TTC7B: variants seen among roughly 807,000 people sequenced by gnomAD.
TTC7B encodes the protein tetratricopeptide repeat domain 7B.
TTC7B carries 28 observed loss-of-function variants against 106.8 expected under a neutral mutation model. That is an observed-to-expected ratio of 0.26 (90% CI 0.19 to 0.36). The LOEUF (loss-of-function observed/expected upper bound fraction) is 0.36. TTC7B is among the 10% of genes least tolerant of loss of function. The probability of loss-of-function intolerance (pLI) is 1.00; values close to 1 mark genes in which losing one functional copy is unlikely to be tolerated. For missense variants in TTC7B, 862 were observed against 1,076.4 expected (o/e 0.80, Z 2.79); for synonymous variants, 405 against 430.6 (o/e 0.94, Z 0.74).
At position 90,596,176 on chromosome 14, in the gene TTC7B, A is replaced by T. The variant is rs111512925; in HGVS notation, c.1967-2550T>A. 2.8e-3 allele frequency among the ~76,000 whole-genome samples: 425 copies of T among 152,374 alleles called. 1 individual carries two copies. Among genetic ancestry groups the T allele is most frequent in the African/African-American group, 9.5e-3 (397 of 41,580 alleles). On this transcript the variant is annotated intron_variant, in intron 17 of 19. Transcript: ENST00000328459. The stretch of plus-strand genomic sequence containing the variant: ...ATATTCACTTACTAATTCATTAAAA[A>T]TAACAATAATAAATTATTGCTCTGG...
chr14:90,595,660 GC>G (rs1892172761), intron 17 of TTC7B, among the ~76,000 whole-genome samples: 1 of 152,080 alleles, frequency 6.6e-6, no homozygotes, highest in African/African-American at 2.4e-5. Context: ...TACCAAGTTG[GC>G]TACCTTCTCA....
chr14:90,703,526 C>A (rs144771121), intron 5 of TTC7B, among the ~76,000 whole-genome samples: 1 of 151,904 alleles, frequency 6.6e-6, no homozygotes, highest in Non-Finnish European at 1.5e-5. Flanking sequence ...ACAACTCTGG[C>A]GACCACATTT....
chr14:90,531,306 CA>C lies in TTC7B; in HGVS notation c.*10061del, dbSNP rs1416533534. 1 of 152,228 alleles carries C rather than the reference CA, an allele frequency of 6.6e-6. No homozygotes were observed. The highest frequency in any genetic ancestry group is 1.5e-5 in the Non-Finnish European group (1 of 68,088). The allele number at this position is 152,228 out of a possible 1,614,324, so 9.4% of individuals were successfully genotyped here. A position where few individuals can be genotyped will look rare whatever the true frequency, so the allele number is the denominator to read the frequency against. On this transcript the variant is annotated 3_prime_UTR_variant, in exon 20 of 20. Transcript: ENST00000328459. ...AAAAAAACAGCTGGGCACAGTGGCT[CA>C]CGCCTGTAATCCCAGCACTTTGGGA...
chr14:90,558,982 C>T (rs182618622), intron 19 of TTC7B, among the ~76,000 whole-genome samples: 9 of 152,322 alleles, frequency 5.9e-5, no homozygotes, highest in East Asian at 5.8e-4. Flanking sequence ...GCTTGGGTGA[C>T]GGCAGAGACC....
chr14:90,536,493 TCTC>T lies in TTC7B; in HGVS notation c.*4872_*4874del, dbSNP rs1321092209. The T allele has an allele frequency of 6.6e-6, 1 of 152,390 alleles. No individual in the cohort carries two copies. The highest frequency in any genetic ancestry group is 2.4e-5 in the African/African-American group (1 of 41,406). 9.4% of individuals were successfully genotyped at this position (152,390 alleles called of 1,614,324 possible). A position where few individuals can be genotyped will look rare whatever the true frequency, so the allele number is the denominator to read the frequency against. On this transcript the variant is annotated 3_prime_UTR_variant, in exon 20 of 20. Coordinates refer to ENST00000328459, the MANE Select transcript of TTC7B (RefSeq NM_001010854.2). ...CCTGCCTGAAAGCAGACTCCTGCCT[TCTC>T]CTCTCCTCCCCAACCTATTCTTCCT...
chr14:90,643,707 C>T lies in TTC7B; in HGVS notation c.1751+341G>A, dbSNP rs1267342981. On this transcript the variant is annotated intron_variant, in intron 15 of 19. Transcript: ENST00000328459. ...AAGCAATTCTCCTCCCTCAGCCTCCCGAGGAGCTGGGATTACAGGCGCCCG... is the reference window on the plus strand; with the variant it reads ...AAGCAATTCTCCTCCCTCAGCCTCCTGAGGAGCTGGGATTACAGGCGCCCG... Among the ~76,000 whole-genome samples the T allele has an allele frequency of 3.3e-5, 5 of 151,924 alleles. No homozygotes were observed. In the South Asian group the frequency reaches 6.2e-4, roughly 19 times the overall value.
intron 15 of TTC7B, among the ~76,000 whole-genome samples, chr14:90,625,510 T>A (rs991359470): frequency 1.3e-5 from 2 of 152,210 alleles, no homozygotes; most frequent in African/African-American, 4.8e-5. Context: ...AGGTGTTATA[T>A]CTCTGCAAAC....
chr14:90,560,038 C>T lies in TTC7B; in HGVS notation c.2310+18068G>A, dbSNP rs11159971. On this transcript the variant is annotated intron_variant, in intron 19 of 19. Transcript: ENST00000328459. ...ACCTCCATCAGATCTGTGCCACAAG[C>T]GCCATGTGCCCCAGGAGCCCCGGGT... Among the ~76,000 whole-genome samples, 59 of 152,350 alleles carry T rather than the reference C, an allele frequency of 3.9e-4. No homozygotes were observed. In the East Asian group the frequency reaches 9.3e-3, roughly 24 times the overall value.
chr14:90,546,697 A>G (rs1889848685), intron 19 of TTC7B, among the ~76,000 whole-genome samples: 2 of 152,108 alleles, frequency 1.3e-5, no homozygotes, highest in Non-Finnish European at 1.5e-5. Flanking sequence ...CAATGATGAC[A>G]TATTACCATA....
intron 4 of TTC7B, among the ~76,000 whole-genome samples, chr14:90,740,942 C>T (rs976523584): frequency 6.6e-5 from 10 of 152,216 alleles, no homozygotes; most frequent in African/African-American, 2.2e-4. Context: ...ACATTTACTG[C>T]ATGCTGACAA....
At chr14:90,583,503 T>G (rs1010281531) in intron 18 of TTC7B, among the ~76,000 whole-genome samples, 5 of 152,168 alleles carry the variant, frequency 3.3e-5, no homozygotes, top group African/African-American at 9.7e-5. Flanking sequence ...CCTTGTAAGC[T>G]TATTAAGAGA....
chr14:90,657,067 A>G lies in TTC7B; in HGVS notation c.1341+107T>C. The G allele has an allele frequency of 1.0e-6, 1 of 976,550 alleles. No individual in the cohort carries two copies. The highest frequency in any genetic ancestry group is 1.5e-6 in the Non-Finnish European group (1 of 650,784). 60.5% of individuals were successfully genotyped at this position (976,550 alleles called of 1,614,324 possible). A position where few individuals can be genotyped will look rare whatever the true frequency, so the allele number is the denominator to read the frequency against. The stretch of plus-strand genomic sequence containing the variant: ...GCTCTACACAGTCTTGTCTTTGTAC[A>G]GCTGATGAATCACCCTCGCTTTCTC... On this transcript the variant is annotated intron_variant, in intron 11 of 19. Transcript: ENST00000328459. This position sits in a 1 kb window ranked among gnomAD's most constrained non-coding sequence, Gnocchi z 4.2.
chr14:90,737,410 T>C (rs1480325343), intron 4 of TTC7B, among the ~76,000 whole-genome samples: 2 of 152,152 alleles, frequency 1.3e-5, no homozygotes, highest in Non-Finnish European at 2.9e-5. Flanking sequence ...ATGTAGCACA[T>C]ATCCACACAA....
chr14:90,574,866 C>T (rs1308581091), intron 19 of TTC7B, among the ~76,000 whole-genome samples: 2 of 152,194 alleles, frequency 1.3e-5, no homozygotes, highest in African/African-American at 4.8e-5. Flanking sequence ...ACTTTCTACC[C>T]TCTCCCATGA....
intron 6 of TTC7B, among the ~76,000 whole-genome samples, chr14:90,692,918 GGT>G (rs146498157): frequency 2.7e-5 from 4 of 149,460 alleles, no homozygotes; most frequent in Non-Finnish European, 4.5e-5. Flanking sequence ...GTGATGGCAG[GGT>G]GTGTGTGTGT....
intron 4 of TTC7B, among the ~76,000 whole-genome samples, chr14:90,730,762 A>T (rs1385485088): frequency 1.3e-5 from 2 of 152,232 alleles, no homozygotes; most frequent in Non-Finnish European, 2.9e-5. Context: ...GCTGCGTGGC[A>T]GTCCTCTATT....
chr14:90,634,209 C>T (rs192053887), intron 15 of TTC7B, among the ~76,000 whole-genome samples: 1 of 151,958 alleles, frequency 6.6e-6, no homozygotes, highest in Non-Finnish European at 1.5e-5. Context: ...TACAGTGTGT[C>T]GAGATAATTA....
At chr14:90,616,358 TA>T (rs1893073270) in intron 16 of TTC7B, among the ~76,000 whole-genome samples, 1 of 152,190 alleles carries the variant, frequency 6.6e-6, no homozygotes, top group Non-Finnish European at 1.5e-5. Flanking sequence ...TGTAGAATTT[TA>T]AAAAAATTAA....
Position 90,537,254 on chromosome 14 carries a change from A to C in TTC7B, c.*4114T>G, listed in dbSNP as rs1566756899. On this transcript the variant is annotated 3_prime_UTR_variant, in exon 20 of 20. Coordinates refer to ENST00000328459, the MANE Select transcript of TTC7B (RefSeq NM_001010854.2). ...ATGCAGGCTGGACTGCGGTGGCGTG[A>C]TCACTCACTGCAGCCTCAACCACCT... The C allele has an allele frequency of 6.6e-6, 1 of 152,152 alleles. No individual in the cohort carries two copies. Among genetic ancestry groups the C allele is most frequent in the African/African-American group, 2.4e-5 (1 of 41,382 alleles). 9.4% of individuals were successfully genotyped at this position (152,152 alleles called of 1,614,324 possible). A position where few individuals can be genotyped will look rare whatever the true frequency, so the allele number is the denominator to read the frequency against.
Sources: allele counts gnomAD v4.1 joint callset (sites outside exome capture counted in the v4.1 genomes callset), GRCh38; gene constraint gnomAD v4.1.1; non-coding constraint Gnocchi (gnomAD v3.1); transcripts MANE v1.5; gene names NCBI Gene and HGNC (gene_info 2026-07-23, HGNC 2026-07-21).